The following CNBD1 variants were observed in gnomAD, a reference collection of about 807,000 sequenced individuals.
CNBD1 encodes the protein cyclic nucleotide-binding domain-containing protein 1.
A neutral mutation model predicts 54.4 loss-of-function variants in CNBD1; 71 were observed. That is an observed-to-expected ratio of 1.30 (90% confidence interval 1.08 to 1.59). CNBD1 has a LOEUF of 1.59. CNBD1 is among the 40% of genes most tolerant of loss of function. CNBD1 has a pLI of 0.00. For missense variants in CNBD1, 659 were observed against 518.0 expected (o/e 1.27, Z -2.64); for synonymous variants, 182 against 170.7 (o/e 1.07, Z -0.51).
intron 4 of CNBD1, among the ~76,000 whole-genome samples, chr8:87,178,115 G>A (rs975043709): frequency 3.9e-5 from 6 of 152,080 alleles, no homozygotes; most frequent in Non-Finnish European, 5.9e-5. Flanking sequence ...TATTGAGCAC[G>A]TTCTAAATGC....
At chr8:86,998,095 G>T (rs1372287005) in intron 4 of CNBD1, among the ~76,000 whole-genome samples, 1 of 151,906 alleles carries the variant, frequency 6.6e-6, no homozygotes, top group East Asian at 1.9e-4. Context: ...CAACCATTCT[G>T]GTCTACAAAG....
At chr8:87,274,534 T>A (rs919953124) in intron 6 of CNBD1, among the ~76,000 whole-genome samples, 1 of 148,950 alleles carries the variant, frequency 6.7e-6, no homozygotes, top group Non-Finnish European at 1.5e-5. Context: ...ATGGTGAGCA[T>A]TTTTTCTTGT....
intron 6 of CNBD1, among the ~76,000 whole-genome samples, chr8:87,276,478 C>A (rs1808482667): frequency 6.6e-6 from 1 of 151,780 alleles, no homozygotes; most frequent in African/African-American, 2.4e-5. Flanking sequence ...TTACTCACTT[C>A]ATAATGCGTT....
intron 3 of CNBD1, among the ~76,000 whole-genome samples, chr8:86,936,029 A>G (rs1294871632): frequency 2.6e-5 from 4 of 152,132 alleles, no homozygotes; most frequent in Non-Finnish European, 5.9e-5. Flanking sequence ...AGTACCAGCT[A>G]CTTGGGAGGG....
At chr8:86,988,023 G>A (rs1808648079) in intron 4 of CNBD1, among the ~76,000 whole-genome samples, 1 of 152,116 alleles carries the variant, frequency 6.6e-6, no homozygotes, top group Admixed American at 6.6e-5. Context: ...TAATGAGCAG[G>A]AAGGAAACTC....
chr8:87,310,328 C>T (rs1212246135), intron 8 of CNBD1, among the ~76,000 whole-genome samples: 2 of 152,064 alleles, frequency 1.3e-5, no homozygotes, highest in African/African-American at 4.8e-5. Flanking sequence ...GCACTCCAGC[C>T]TGGGTGATAG....
intron 8 of CNBD1, among the ~76,000 whole-genome samples, chr8:87,287,079 T>C (rs997560339): frequency 6.6e-6 from 1 of 152,192 alleles, no homozygotes; most frequent in African/African-American, 2.4e-5. Context: ...AGTTTGCTAA[T>C]CTGTACTTGT....
intron 4 of CNBD1, among the ~76,000 whole-genome samples, chr8:87,020,581 A>T (rs889222802): frequency 6.6e-5 from 10 of 152,140 alleles, no homozygotes; most frequent in African/African-American, 2.4e-4. Context: ...ATGTCCTACA[A>T]ACCATAAATT....
At chr8:87,014,038 T>G (rs1809299141) in intron 4 of CNBD1, among the ~76,000 whole-genome samples, 1 of 151,994 alleles carries the variant, frequency 6.6e-6, no homozygotes, top group South Asian at 2.1e-4. Context: ...GAATGCCTAA[T>G]TACATCTACA....
At chr8:87,402,564 G>A (rs1380943793) in intron 2 of CNBD1, among the ~76,000 whole-genome samples, 1 of 152,066 alleles carries the variant, frequency 6.6e-6, no homozygotes, top group Non-Finnish European at 1.5e-5. Context: ...AGGCACAGAG[G>A]CAAAATATCA....
chr8:86,952,764 C>A (rs1422738285), intron 4 of CNBD1, among the ~76,000 whole-genome samples: 1 of 152,028 alleles, frequency 6.6e-6, no homozygotes, highest in Non-Finnish European at 1.5e-5. Flanking sequence ...TAACTTTTGA[C>A]ACGTGTAAAT....
chr8:86,925,365 TC>T (rs1809340319), intron 3 of CNBD1, among the ~76,000 whole-genome samples: 1 of 152,138 alleles, frequency 6.6e-6, no homozygotes, highest in Non-Finnish European at 1.5e-5. Flanking sequence ...GAGGCTCACT[TC>T]AGTTTTTATT....
At chr8:87,067,643 T>G (rs1379253433) in intron 4 of CNBD1, among the ~76,000 whole-genome samples, 1 of 151,990 alleles carries the variant, frequency 6.6e-6, no homozygotes, top group Admixed American at 6.6e-5. Context: ...GTATAAGCAT[T>G]TCTTTTAGAG....
intron 4 of CNBD1, among the ~76,000 whole-genome samples, chr8:87,033,219 A>T (rs996745566): frequency 6.6e-6 from 1 of 152,166 alleles, no homozygotes; most frequent in Non-Finnish European, 1.5e-5. Context: ...TCTTACGCAG[A>T]GTACCATGTG....
intron 4 of CNBD1, among the ~76,000 whole-genome samples, chr8:87,058,243 C>T (rs1810465176): frequency 1.3e-5 from 2 of 152,186 alleles, no homozygotes; most frequent in South Asian, 4.1e-4. Context: ...GCAGCTCCAC[C>T]CCTGTTGCTT....
intron 8 of CNBD1, among the ~76,000 whole-genome samples, chr8:87,311,637 C>T (rs537537038): frequency 3.3e-5 from 5 of 152,118 alleles, no homozygotes; most frequent in Non-Finnish European, 7.4e-5. Context: ...CAAAAGGACA[C>T]ATGCACTTGT....
chr8:87,273,567 C>A (rs555625488), intron 6 of CNBD1, among the ~76,000 whole-genome samples: 4 of 151,964 alleles, frequency 2.6e-5, no homozygotes, highest in African/African-American at 9.7e-5. Flanking sequence ...TAGGATGCAG[C>A]CTGAGCTGTT....
At chr8:87,271,908 T>C (rs535181664) in intron 6 of CNBD1, among the ~76,000 whole-genome samples, 14 of 152,082 alleles carry the variant, frequency 9.2e-5, no homozygotes, top group African/African-American at 3.4e-4. Flanking sequence ...ATATACACAA[T>C]GGAATGTTAA....
At chr8:87,173,271 T>C (rs1490399312) in intron 4 of CNBD1, among the ~76,000 whole-genome samples, 2 of 152,216 alleles carry the variant, frequency 1.3e-5, no homozygotes, top group East Asian at 3.8e-4. Context: ...TTGTTTTTGA[T>C]TGGTTCATTA....
Sources: allele counts gnomAD v4.1 joint callset (sites outside exome capture counted in the v4.1 genomes callset), GRCh38; gene constraint gnomAD v4.1.1; transcripts MANE v1.5; gene names NCBI Gene and HGNC (gene_info 2026-07-23, HGNC 2026-07-21).